Variants in PIK3C3 observed in about 807,000 individuals in gnomAD.
The protein encoded by PIK3C3 is phosphatidylinositol 3-kinase catalytic subunit type 3.
PIK3C3 carries 95 observed loss-of-function variants against 126.1 expected under a neutral mutation model. The ratio of observed to expected loss-of-function variants is 0.75; its 90% CI spans 0.64 to 0.89. The LOEUF is 0.89. PIK3C3 is among the 40% of genes least tolerant of loss of function. The probability of loss-of-function intolerance (pLI) is 0.00; values close to 1 mark genes in which losing one functional copy is unlikely to be tolerated. For synonymous variants in PIK3C3, 374 were observed against 360.0 expected, an observed-to-expected ratio of 1.04 and a Z score of -0.44; for missense variants, 829 against 1,063.2, an observed-to-expected ratio of 0.78 and a Z score of 3.06.
chr18:42,023,202 G>T (rs927866190), intron 13 of PIK3C3, among the ~76,000 whole-genome samples: 18 of 152,148 alleles, frequency 1.2e-4, no homozygotes, highest in African/African-American at 4.3e-4. Context: ...AGAGCTATAT[G>T]TGTATATACT....
At chr18:41,983,953 T>C (rs79886011) in intron 4 of PIK3C3, among the ~76,000 whole-genome samples, 8 of 133,480 alleles carry the variant, frequency 6.0e-5, no homozygotes, top group Non-Finnish European at 9.3e-5. Context: ...AAATTATGCC[T>C]TTTTTTTTTT....
At chr18:42,057,769 C>A in intron 21 of PIK3C3, 114 bp from the exon 22 acceptor site, 1 of 914,022 alleles carries the variant, frequency 1.1e-6, no homozygotes, top group Non-Finnish European at 1.7e-6. Flanking sequence ...TAGGCTTCAT[C>A]GTGAACTAAT....
At chr18:41,997,261 T>C (rs1185756414) in intron 9 of PIK3C3, among the ~76,000 whole-genome samples, 2 of 152,044 alleles carry the variant, frequency 1.3e-5, no homozygotes, top group Admixed American at 6.6e-5. Flanking sequence ...AAATATAATT[T>C]GAGATGTGGG....
At chr18:42,023,675 G>A (rs1983428658) in intron 13 of PIK3C3, among the ~76,000 whole-genome samples, 1 of 152,106 alleles carries the variant, frequency 6.6e-6, no homozygotes, top group Non-Finnish European at 1.5e-5. Flanking sequence ...GTGAATGTAA[G>A]GTAACAATAA....
At position 42,087,364 on chromosome 18, in the gene PIK3C3, G is replaced by C. The variant is rs564992437; in HGVS notation, c.*6227G>C. ...GCATCATGTATGACGTTTGCAAGGTGCATGTGGAAGGCTGGTCGCCCCACC... is the reference window on the plus strand; with the variant it reads ...GCATCATGTATGACGTTTGCAAGGTCCATGTGGAAGGCTGGTCGCCCCACC... On this transcript the variant is annotated 3_prime_UTR_variant, in exon 25 of 25. Transcript: ENST00000262039. 2 of 152,294 alleles carry C rather than the reference G, an allele frequency of 1.3e-5. No individual in the cohort carries two copies. The highest frequency in any genetic ancestry group is 4.8e-5 in the African/African-American group (2 of 41,542). The allele number at this position is 152,294 out of a possible 1,614,324, so 9.4% of individuals were successfully genotyped here.
chr18:42,071,216 A>T (rs1221950667), intron 24 of PIK3C3, among the ~76,000 whole-genome samples: 1 of 152,248 alleles, frequency 6.6e-6, no homozygotes, highest in Non-Finnish European at 1.5e-5. Context: ...TTATTGCAGC[A>T]TGAATATGTA....
At chr18:42,058,614 T>C (rs1449381125) in intron 22 of PIK3C3, among the ~76,000 whole-genome samples, 4 of 152,234 alleles carry the variant, frequency 2.6e-5, no homozygotes, top group Non-Finnish European at 4.4e-5. Flanking sequence ...GATTTTTATC[T>C]CTTTTTAACA....
chr18:41,966,177 C>CCTTTT (rs1555671402), intron 3 of PIK3C3, among the ~76,000 whole-genome samples: 1 of 112,574 alleles, frequency 8.9e-6, no homozygotes, highest in African/African-American at 3.7e-5. Flanking sequence ...TATATTGTTC[C>CCTTTT]TTTTTTTTTT....
chr18:41,990,912 T>C (rs1013780706), intron 6 of PIK3C3, among the ~76,000 whole-genome samples: 1 of 152,206 alleles, frequency 6.6e-6, no homozygotes, highest in Non-Finnish European at 1.5e-5. Flanking sequence ...AGTGGTAGGC[T>C]ATTTATTGAA....
intron 21 of PIK3C3, chr18:42,050,668 T>C (rs1411132257): frequency 6.6e-6 from 1 of 152,210 alleles, no homozygotes; most frequent in Non-Finnish European, 1.5e-5. Context: ...AACTCCAAAA[T>C]AGATCATGAA....
intron 22 of PIK3C3, 85 bp from the exon 23 acceptor site, chr18:42,064,655 C>T: frequency 1.5e-6 from 1 of 674,218 alleles, no homozygotes; most frequent in Non-Finnish European, 2.7e-6. Context: ...ATCCAAGTAC[C>T]ACTACTTCTA....
intron 14 of PIK3C3, among the ~76,000 whole-genome samples, chr18:42,028,067 AT>A (rs1193363872): frequency 3.3e-5 from 5 of 152,284 alleles, no homozygotes; most frequent in African/African-American, 1.2e-4. Flanking sequence ...AATCATACTC[AT>A]TTGTTTTTAT....
chr18:42,084,095 C>G lies in PIK3C3; in HGVS notation c.*2958C>G, dbSNP rs1465328512. 1 of 152,190 alleles carries G rather than the reference C, an allele frequency of 6.6e-6. No individual in the cohort carries two copies. The highest frequency in any genetic ancestry group is 1.5e-5 in the Non-Finnish European group (1 of 68,022). The allele number at this position is 152,190 out of a possible 1,614,324, so 9.4% of individuals were successfully genotyped here. A position where few individuals can be genotyped will look rare whatever the true frequency, so the allele number is the denominator to read the frequency against. ...TGTGTCATCATGCCACATATTCATACTTTCCTTGGGTTGGAAAATAGATCA... is the reference window on the plus strand; with the variant it reads ...TGTGTCATCATGCCACATATTCATAGTTTCCTTGGGTTGGAAAATAGATCA... On this transcript the variant is annotated 3_prime_UTR_variant, in exon 25 of 25. Coordinates refer to ENST00000262039, the MANE Select transcript of PIK3C3 (RefSeq NM_002647.4).
chr18:42,077,028 A>G (rs781422448), intron 24 of PIK3C3, among the ~76,000 whole-genome samples: 32 of 152,190 alleles, frequency 2.1e-4, no homozygotes, highest in Non-Finnish European at 4.3e-4. Flanking sequence ...TACCTTAAAG[A>G]TTTTTTGATC....
intron 21 of PIK3C3, chr18:42,050,575 C>G (rs966698376): frequency 1.3e-5 from 2 of 152,238 alleles, no homozygotes; most frequent in Admixed American, 6.5e-5. Flanking sequence ...GTTGTTCAAG[C>G]TCTAGACCTC....
chr18:41,996,843 C>G (rs748713955), intron 9 of PIK3C3, 113 bp downstream of exon 9: 4 of 626,924 alleles, frequency 6.4e-6, no homozygotes, highest in Non-Finnish European at 1.1e-5. Flanking sequence ...AGAAAAGTTA[C>G]AGAGCAGTAT....
intron 24 of PIK3C3, among the ~76,000 whole-genome samples, chr18:42,072,530 C>T (rs1257852376): frequency 1.3e-5 from 2 of 152,086 alleles, no homozygotes; most frequent in African/African-American, 2.4e-5. Flanking sequence ...TGTAACCCTT[C>T]TCTATGCCAA....
At chr18:42,007,669 CTG>C (rs1982617194) in intron 10 of PIK3C3, among the ~76,000 whole-genome samples, 1 of 152,074 alleles carries the variant, frequency 6.6e-6, no homozygotes. Context: ...AAAAGGAAAA[CTG>C]TTTCTGTTAC....
intron 4 of PIK3C3, among the ~76,000 whole-genome samples, chr18:41,979,240 G>A (rs1245657245): frequency 2.6e-5 from 4 of 152,112 alleles, no homozygotes; most frequent in African/African-American, 9.7e-5. Context: ...TGTGATTTAT[G>A]ATGAGCACTT....
Sources: allele counts gnomAD v4.1 joint callset (sites outside exome capture counted in the v4.1 genomes callset), GRCh38; gene constraint gnomAD v4.1.1; transcripts MANE v1.5; gene names NCBI Gene and HGNC (gene_info 2026-07-23, HGNC 2026-07-21).